The following PCDHA6 variants were observed in gnomAD, a reference collection of about 807,000 sequenced individuals.
The protein encoded by PCDHA6 is protocadherin alpha 6.
Under a neutral mutation model 60.3 loss-of-function variants are expected in PCDHA6, and 55 were observed. That is an observed-to-expected ratio of 0.91 (90% CI 0.73 to 1.14). The LOEUF is 1.14. PCDHA6 is among the 50% of genes most tolerant of loss of function. The pLI is 0.00. For synonymous variants in PCDHA6, 652 were observed against 557.9 expected, an observed-to-expected ratio of 1.17 and a Z score of -2.38; for missense variants, 1,327 against 1,256.5, an observed-to-expected ratio of 1.06 and a Z score of -0.85.
Position 140,830,405 on chromosome 5 carries a change from T to C in PCDHA6, c.2314T>C (p.Phe772Leu), listed in dbSNP as rs1771047305. Reference sequence around the variant, plus strand: ...CCCACCCAAGATGGATCTCATGGCCTTTAGCCCCAGCCTTTCACCTTGTCC... The same window carrying C: ...CCCACCCAAGATGGATCTCATGGCCCTTAGCCCCAGCCTTTCACCTTGTCC... ...EGPPKMDLMA[F>L]SPSLSPCPIM... The change falls in exon 1 of 4, where the codon TTT (phenylalanine) becomes CTT (leucine). Residue 772 changes from phenylalanine (F) to leucine (L), a missense_variant. By Grantham distance (22) the Phe-to-Leu change is conservative. Transcript: ENST00000529310. 3 of 1,614,172 alleles carry C rather than the reference T, an allele frequency of 1.9e-6. No individual in the cohort carries two copies. The highest frequency in any genetic ancestry group is 2.5e-6 in the Non-Finnish European group (3 of 1,179,994).
intron 1 of PCDHA6, chr5:140,853,431 T>A (rs115944296): frequency 0.015 from 15,010 of 985,262 alleles, 1,430 homozygotes; most frequent in Non-Finnish European, 0.017. Context: ...AGAGACACTT[T>A]CCTATTTTGC....
At chr5:140,908,073 G>A (rs2153503880) in intron 1 of PCDHA6, among the ~76,000 whole-genome samples, 1 of 152,322 alleles carries the variant, frequency 6.6e-6, no homozygotes, top group Admixed American at 6.5e-5. Context: ...CATGAAAAGT[G>A]CACAACCAGG....
At position 140,856,269 on chromosome 5, in the gene PCDHA6, T is replaced by C. The variant is rs367902357; in HGVS notation, c.2394+25784T>C. On this transcript the variant is annotated intron_variant, in intron 1 of 3. Transcript: ENST00000529310. ...GCGTCCAAAAGACACGGGGACCTTC[T>C]GGAGGTAAATCTGCAGAATGGCATT... 5.2e-5 allele frequency: 83 copies of C among 1,598,182 alleles called. 3 individuals are homozygous for C. In the South Asian group the frequency reaches 5.5e-4, roughly 11 times the overall value.
At chr5:140,832,000 T>C (rs1771797790) in intron 1 of PCDHA6, among the ~76,000 whole-genome samples, 1 of 152,228 alleles carries the variant, frequency 6.6e-6, no homozygotes. Flanking sequence ...TTCCATATTG[T>C]TTTCATTTTA....
At position 141,010,202 on chromosome 5, in the gene PCDHA6, G is replaced by C; in HGVS notation, c.*265G>C. 6.4e-7 allele frequency: 1 copy of C among 1,551,944 alleles called. No homozygotes were observed. The highest frequency in any genetic ancestry group is 8.7e-7 in the Non-Finnish European group (1 of 1,147,050). The stretch of plus-strand genomic sequence containing the variant: ...CAGACCCAAGTTTCCTTTCTCCTCC[G>C]CCGCAAAGGAGAGGCTTCCCAGCCC... On this transcript the variant is annotated 3_prime_UTR_variant, in exon 4 of 4. Coordinates refer to ENST00000529310, the MANE Select transcript of PCDHA6 (RefSeq NM_018909.4).
intron 1 of PCDHA6, chr5:140,870,530 T>C (rs2052115440): frequency 6.2e-7 from 1 of 1,614,198 alleles, no homozygotes; most frequent in African/African-American, 1.3e-5. Flanking sequence ...ATCTTCACAG[T>C]GTCGGCGCGG....
chr5:140,971,973 A>G (rs1554233757), intron 1 of PCDHA6, among the ~76,000 whole-genome samples: 1 of 152,218 alleles, frequency 6.6e-6, no homozygotes, highest in South Asian at 2.1e-4. Flanking sequence ...TTTCAATACT[A>G]TGAGTAGACA....
rs782025005 is a variant in PCDHA6 at position 140,982,513 on chromosome 5, G to C, written c.2492G>C (p.Gly831Ala). 83 of 1,614,076 alleles carry C rather than the reference G, an allele frequency of 5.1e-5. No homozygotes were observed. The highest frequency in any genetic ancestry group is 6.4e-5 in the Non-Finnish European group (75 of 1,180,040). ...GAGGAGGCTGGCATTCTACGGGCTG[G>C]TCCAGGAGGGCCTGATCAGCAGTGG... The part of the protein sequence containing the change: ...HLEEAGILRA[G>A]PGGPDQQWPT... The change falls in exon 3 of 4, where the codon GGT becomes GCT. Residue 831 changes from glycine (G) to alanine (A), a missense_variant. Transcript: ENST00000529310.
At chr5:140,898,408 G>A (rs1189859035) in intron 1 of PCDHA6, among the ~76,000 whole-genome samples, 7 of 152,096 alleles carry the variant, frequency 4.6e-5, no homozygotes, top group African/African-American at 9.7e-5. Flanking sequence ...TTCTACATAC[G>A]GCTAGCCAGT....
At chr5:140,990,668 G>A (rs1554251661) in intron 3 of PCDHA6, among the ~76,000 whole-genome samples, 1 of 152,178 alleles carries the variant, frequency 6.6e-6, no homozygotes, top group African/African-American at 2.4e-5. Flanking sequence ...TACATTAGAT[G>A]CACACCAAGC....
intron 2 of PCDHA6, among the ~76,000 whole-genome samples, chr5:140,981,680 C>T (rs1238332235): frequency 6.6e-6 from 1 of 151,746 alleles, no homozygotes; most frequent in Non-Finnish European, 1.5e-5. Flanking sequence ...CTTCCTTCCT[C>T]CCTTCCATCA....
Position 140,982,684 on chromosome 5 carries a change from T to C in PCDHA6, c.2542+121T>C. Reference sequence around the variant, plus strand: ...TTTTATATTTTTGTTATTCCCTTTTTTCCATACATACATGATTTCCTTACA... The same window carrying C: ...TTTTATATTTTTGTTATTCCCTTTTCTCCATACATACATGATTTCCTTACA... On this transcript the variant is annotated intron_variant, in intron 3 of 3. Transcript: ENST00000529310. The C allele has an allele frequency of 2.8e-6, 4 of 1,425,176 alleles. No individual in the cohort carries two copies. In the South Asian group the frequency reaches 6.0e-5, roughly 21 times the overall value. 88.3% of individuals were successfully genotyped at this position (1,425,176 alleles called of 1,614,324 possible).
intron 1 of PCDHA6, among the ~76,000 whole-genome samples, chr5:140,909,265 G>A (rs1289313376): frequency 3.3e-5 from 5 of 152,192 alleles, no homozygotes; most frequent in Non-Finnish European, 7.3e-5. Flanking sequence ...CTGACTGAAG[G>A]CAAATTGCTT....
chr5:140,938,485 T>C (rs2092087482), intron 1 of PCDHA6, among the ~76,000 whole-genome samples: 2 of 152,170 alleles, frequency 1.3e-5, no homozygotes, highest in African/African-American at 4.8e-5. Context: ...TTAAAAATCA[T>C]GAATAGGCAT....
At chr5:140,960,067 A>T (rs1423900287) in intron 1 of PCDHA6, among the ~76,000 whole-genome samples, 1 of 152,228 alleles carries the variant, frequency 6.6e-6, no homozygotes, top group East Asian at 1.9e-4. Context: ...AGAAGATTCA[A>T]TTGAAGTTTC....
rs576802253 is a variant in PCDHA6 at position 140,888,837 on chromosome 5, C to T, written c.2394+58352C>T. ...GATCTGTGATCACATCACTCCACTG[C>T]AGCCTGGTGACAGAGTGAGACCATG... is the stretch of plus-strand genomic sequence containing the variant. On this transcript the variant is annotated intron_variant, in intron 1 of 3. Coordinates refer to ENST00000529310, the MANE Select transcript of PCDHA6 (RefSeq NM_018909.4). Among the ~76,000 whole-genome samples, 5 of 152,130 alleles carry T rather than the reference C, an allele frequency of 3.3e-5. No individual in the cohort carries two copies. In the South Asian group the frequency reaches 1.0e-3, roughly 32 times the overall value.
Position 140,829,887 on chromosome 5 carries a change from C to T in PCDHA6, c.1796C>T (p.Ala599Val), listed in dbSNP as rs200115025. The change falls in exon 1 of 4, where the codon GCC becomes GTC. Residue 599 changes from alanine (A) to valine (V), a missense_variant. By Grantham distance (64) the Ala-to-Val change is moderately conservative. Transcript: ENST00000529310. ...GTGGCGAAGGTGCGCGCAGTTGACGCCGACTCAGGCTACAACGCGTGGCTT... is the reference window on the plus strand; with the variant it reads ...GTGGCGAAGGTGCGCGCAGTTGACGTCGACTCAGGCTACAACGCGTGGCTT... ...QVVAKVRAVD[A>V]DSGYNAWLSY... 91 of 1,613,822 alleles carry T rather than the reference C, an allele frequency of 5.6e-5. No homozygotes were observed. The highest frequency in any genetic ancestry group is 7.5e-5 in the Non-Finnish European group (89 of 1,179,888).
chr5:140,954,046 G>T (rs1554221229), intron 1 of PCDHA6, among the ~76,000 whole-genome samples: 1 of 152,124 alleles, frequency 6.6e-6, no homozygotes, highest in East Asian at 1.9e-4. Context: ...TTGGTTTTCT[G>T]TTCCTGCATT....
rs2150237925 is a variant in PCDHA6 at position 140,835,548 on chromosome 5, C to T, written c.2394+5063C>T. The T allele has an allele frequency of 3.1e-6, 5 of 1,613,950 alleles. No individual in the cohort carries two copies. The South Asian group carries it at 3.3e-5, about 11-fold the overall frequency. On this transcript the variant is annotated intron_variant, in intron 1 of 3. Transcript: ENST00000529310. The stretch of plus-strand genomic sequence containing the variant: ...AGTCAACGGACAGGTTACCTGCTCC[C>T]TGACGCCCCGCGTTCCCTTCAAGTT...
Sources: gnomAD v4.1 joint callset for allele counts (sites outside exome capture counted in the v4.1 genomes callset) on GRCh38, gnomAD v4.1.1 for gene constraint, MANE v1.5 for transcripts, NCBI Gene and HGNC (gene_info 2026-07-23, HGNC 2026-07-21) for gene names.